Variants in PLCG2 observed in about 807,000 individuals in gnomAD.
PLCG2 encodes the protein 1-phosphatidylinositol 4,5-bisphosphate phosphodiesterase gamma-2.
In PLCG2, 69 loss-of-function variants were observed where a neutral mutation model predicts 175.6. That is an observed-to-expected ratio of 0.39 (90% confidence interval 0.32 to 0.48). The LOEUF is 0.48. Among genes scored for constraint, PLCG2 ranks in the 20% least tolerant of loss-of-function variants. The pLI is 0.91. For missense variants in PLCG2, 1,798 were observed against 1,650.9 expected (o/e 1.09, Z -1.54); for synonymous variants, 827 against 624.0 (o/e 1.33, Z -4.85).
At position 81,946,229 on chromosome 16, in the gene PLCG2, C is replaced by T; in HGVS notation, c.3536C>T (p.Ser1179Phe). Residue 1179 changes from serine to phenylalanine, a missense_variant, in exon 31 of 33, where the codon TCC becomes TTC. Ser to Phe is a radical substitution (Grantham distance 155). Coordinates refer to ENST00000564138, the MANE Select transcript of PLCG2 (RefSeq NM_002661.5). The stretch of plus-strand genomic sequence containing the variant: ...TACAGCGAGGACATAGAGCTGGCTT[C>T]CCTCCTGGTTTTCTGTGAGATGCGG... Reference protein sequence around the residue: ...NGYSEDIELASLLVFCEMRPV... With the variant: ...NGYSEDIELAFLLVFCEMRPV... The T allele has an allele frequency of 2.5e-6, 4 of 1,613,916 alleles. No homozygotes were observed. The highest frequency in any genetic ancestry group is 3.4e-6 in the Non-Finnish European group (4 of 1,179,832).
intron 24 of PLCG2, chr16:81,928,848 C>T (rs1235235519): frequency 8.4e-6 from 4 of 477,978 alleles, no homozygotes; most frequent in Admixed American, 6.4e-5. Flanking sequence ...AGGTCTCGTA[C>T]ATAAGTGCTA....
At chr16:81,906,152 A>G (rs1418218787) in intron 15 of PLCG2, 1 of 152,194 alleles carries the variant, frequency 6.6e-6, no homozygotes, top group East Asian at 1.9e-4. Flanking sequence ...CAATACTAAT[A>G]ACTAGTTTAT....
At chr16:81,878,618 G>A (rs995799508) in intron 7 of PLCG2, among the ~76,000 whole-genome samples, 6 of 152,046 alleles carry the variant, frequency 3.9e-5, no homozygotes, top group African/African-American at 1.4e-4. Context: ...GTCTATTCCC[G>A]TCTTGTTTCC....
At chr16:81,871,861 T>C (rs1907534120) in intron 7 of PLCG2, among the ~76,000 whole-genome samples, 1 of 147,576 alleles carries the variant, frequency 6.8e-6, no homozygotes, top group African/African-American at 2.5e-5. Flanking sequence ...AATGTCTCAA[T>C]GGAGGAATTG....
intron 2 of PLCG2, among the ~76,000 whole-genome samples, chr16:81,853,361 C>A (rs1053224174): frequency 4.0e-5 from 6 of 151,210 alleles, no homozygotes; most frequent in Admixed American, 1.3e-4. Context: ...CAAAAAAAAA[C>A]CATTAGACCC....
Position 81,956,826 on chromosome 16 carries a change from G to A in PLCG2, c.3702G>A (p.Glu1234=). The change falls in exon 32 of 33, where the codon GAG becomes GAA. Residue 1234 remains glutamate (E), a synonymous_variant. Transcript: ENST00000564138. ...CCAACCGGGATGCCCTGGTTAAAGA[G>A]TTCAGTGTTAATGAGAACCAGCTCC... is the stretch of plus-strand genomic sequence containing the variant. ...RNANRDALVK[E]FSVNENQLQL... 2 of 1,614,168 alleles carry A rather than the reference G, an allele frequency of 1.2e-6. No homozygotes were observed. The highest frequency in any genetic ancestry group is 1.7e-6 in the Non-Finnish European group (2 of 1,180,002).
At chr16:81,883,038 C>T (rs1597371560) in intron 8 of PLCG2, among the ~76,000 whole-genome samples, 2 of 152,288 alleles carry the variant, frequency 1.3e-5, no homozygotes, top group South Asian at 4.1e-4. Flanking sequence ...TAAATGTAGA[C>T]ACCAGGGCCT....
intron 13 of PLCG2, among the ~76,000 whole-genome samples, chr16:81,899,192 AG>A (rs1438674209): frequency 1.3e-5 from 2 of 152,058 alleles, no homozygotes; most frequent in African/African-American, 4.8e-5. Flanking sequence ...CATTTCCAAA[AG>A]AAAAATAAAT....
intron 5 of PLCG2, among the ~76,000 whole-genome samples, chr16:81,866,584 C>G (rs991497228): frequency 3.0e-5 from 3 of 98,992 alleles, no homozygotes; most frequent in African/African-American, 8.9e-5. Context: ...TCCCTTGCTC[C>G]CAAGATGAGC....
intron 5 of PLCG2, among the ~76,000 whole-genome samples, chr16:81,868,305 T>A (rs1221702678): frequency 6.9e-6 from 1 of 144,786 alleles, no homozygotes; most frequent in Admixed American, 6.9e-5. Flanking sequence ...CCTTCCCACT[T>A]CCCCTCCCTG....
chr16:81,820,339 C>G (rs564117989), intron 2 of PLCG2, among the ~76,000 whole-genome samples: 1 of 152,184 alleles, frequency 6.6e-6, no homozygotes, highest in African/African-American at 2.4e-5. Context: ...TGCACACTCC[C>G]TGCCCCAGGC....
intron 31 of PLCG2, among the ~76,000 whole-genome samples, chr16:81,955,004 G>C (rs1911511575): frequency 6.6e-6 from 1 of 152,044 alleles, no homozygotes; most frequent in African/African-American, 2.4e-5. Flanking sequence ...AGCATCTATT[G>C]TTTCCTGACT....
chr16:81,938,808 G>A lies in PLCG2; in HGVS notation c.3206G>A (p.Gly1069Asp). Residue 1069 changes from glycine (G) to aspartate (D), a missense_variant, in exon 29 of 33, where the codon GGT becomes GAT. By Grantham distance (94) the Gly-to-Asp change is moderately conservative (BLOSUM62 -1). Coordinates refer to ENST00000564138, the MANE Select transcript of PLCG2 (RefSeq NM_002661.5). The part of the protein sequence containing the change: ...ILMTLTVKVL[G>D]ARHLPKLGRS... ...TTCCCTTTGGTGTCCCAGGTTCTCGGTGCTCGCCATCTCCCCAAACTTGGA... is the reference window on the plus strand; with the variant it reads ...TTCCCTTTGGTGTCCCAGGTTCTCGATGCTCGCCATCTCCCCAAACTTGGA... 1 of 1,608,790 alleles carries A rather than the reference G, an allele frequency of 6.2e-7. No individual in the cohort carries two copies. Among genetic ancestry groups the A allele is most frequent in the Admixed American group, 1.7e-5 (1 of 59,822 alleles).
At chr16:81,803,228 C>T (rs568677532) in intron 2 of PLCG2, among the ~76,000 whole-genome samples, 1 of 151,018 alleles carries the variant, frequency 6.6e-6, no homozygotes, top group Admixed American at 6.7e-5. Context: ...ATGCCATTCT[C>T]CTGCCTCAGC....
At chr16:81,875,639 A>G (rs1907744764) in intron 7 of PLCG2, among the ~76,000 whole-genome samples, 1 of 152,232 alleles carries the variant, frequency 6.6e-6, no homozygotes, top group Non-Finnish European at 1.5e-5. Flanking sequence ...GTATCAGGTC[A>G]TCTGCCAATA....
At chr16:81,808,768 C>A (rs961457623) in intron 2 of PLCG2, among the ~76,000 whole-genome samples, 2 of 152,202 alleles carry the variant, frequency 1.3e-5, no homozygotes, top group East Asian at 3.8e-4. Flanking sequence ...GCTGGGATTA[C>A]AGGCGTGAGC....
Position 81,939,889 on chromosome 16 carries a change from C to T in PLCG2, c.3314-3C>T, listed in dbSNP as rs749335428. ...CCTCTCATGAGCTTTGATCTCCTTC[C>T]AGATGATAATGGCCTCAGCCCTATC... On this transcript the variant is annotated splice_polypyrimidine_tract_variant and splice_region_variant and intron_variant, in intron 29 of 32. Coordinates refer to ENST00000564138, the MANE Select transcript of PLCG2 (RefSeq NM_002661.5). 23 of 1,610,680 alleles carry T rather than the reference C, an allele frequency of 1.4e-5. No individual in the cohort carries two copies. Among genetic ancestry groups the T allele is most frequent in the Non-Finnish European group, 3.4e-6 (4 of 1,177,016 alleles).
chr16:81,820,738 A>C (rs962058752), intron 2 of PLCG2, among the ~76,000 whole-genome samples: 1 of 152,262 alleles, frequency 6.6e-6, no homozygotes, highest in Admixed American at 6.5e-5. Flanking sequence ...CTCCCACCTC[A>C]GCCTCCTGAG....
At chr16:81,821,329 A>G (rs1904790494) in intron 2 of PLCG2, among the ~76,000 whole-genome samples, 1 of 152,270 alleles carries the variant, frequency 6.6e-6, no homozygotes, top group African/African-American at 2.4e-5. Context: ...GCTGTGTAAC[A>G]AACCACCCCA....
Sources: allele counts gnomAD v4.1 joint callset (sites outside exome capture counted in the v4.1 genomes callset), GRCh38; gene constraint gnomAD v4.1.1; transcripts MANE v1.5; gene names NCBI Gene and HGNC (gene_info 2026-07-23, HGNC 2026-07-21).